The following DIAPH1 variants were observed in gnomAD, a reference collection of about 807,000 sequenced individuals.
DIAPH1 encodes diaphanous related formin 1.
In DIAPH1, 46 loss-of-function variants were observed where a neutral mutation model predicts 140.7. The ratio of observed to expected loss-of-function variants is 0.33; its 90% CI spans 0.26 to 0.42. The LOEUF (loss-of-function observed/expected upper bound fraction) is 0.42. Among genes scored for constraint, DIAPH1 ranks in the 10% least tolerant of loss-of-function variants. DIAPH1 has a pLI of 1.00. For synonymous variants in DIAPH1, 565 were observed against 551.6 expected (o/e 1.02, Z -0.34); for missense variants, 1,310 against 1,558.7 (o/e 0.84, Z 2.69).
At chr5:141,590,891 C>A (rs1259987692) in intron 1 of DIAPH1, among the ~76,000 whole-genome samples, 1 of 152,172 alleles carries the variant, frequency 6.6e-6, no homozygotes, top group Non-Finnish European at 1.5e-5. Flanking sequence ...AGCCTCCTAA[C>A]TGATCTCCCT....
chr5:141,603,967 C>A (rs1349595571), intron 1 of DIAPH1, among the ~76,000 whole-genome samples: 2 of 152,172 alleles, frequency 1.3e-5, no homozygotes, highest in Non-Finnish European at 2.9e-5. Flanking sequence ...TATCACTATT[C>A]CAGCACAGCA....
In DIAPH1 at chr5:141,562,487, A is replaced by G. The variant is rs180772028; in HGVS notation, c.2482+8941T>C. ...TTTTAAGAAAGTCTAAAGGATAATC[A>G]AACTAATAAAAATGGTTACCTCTAG... On this transcript the variant is annotated intron_variant, in intron 18 of 27. Coordinates refer to ENST00000389054, the MANE Select transcript of DIAPH1 (RefSeq NM_005219.5). Among the ~76,000 whole-genome samples, 1,161 of 152,210 alleles carry G rather than the reference A, an allele frequency of 7.6e-3. 21 individuals are homozygous for G. The highest frequency in any genetic ancestry group is 0.027 in the African/African-American group (1,103 of 41,518).
Position 141,580,843 on chromosome 5 carries a change from A to G in DIAPH1, c.725T>C (p.Leu242Pro). The change falls in exon 8 of 28, where the codon CTA becomes CCA. Residue 242 changes from leucine (L) to proline (P), a missense_variant. Leu to Pro is a moderately conservative substitution (Grantham distance 98). Transcript: ENST00000389054. ...AGGATCCATGGCTCTGACCAGCAGT[A>G]GGATTCCTTCTTCTGTCTCCAACAT... ...KTMLETEEGILLLVRAMDPAV... is the reference protein window; with the variant it reads ...KTMLETEEGIPLLVRAMDPAV... 2 of 1,614,242 alleles carry G rather than the reference A, an allele frequency of 1.2e-6. No homozygotes were observed. The highest frequency in any genetic ancestry group is 1.7e-6 in the Non-Finnish European group (2 of 1,180,036).
intron 1 of DIAPH1, among the ~76,000 whole-genome samples, chr5:141,614,210 G>C (rs1394141415): frequency 6.6e-6 from 1 of 152,004 alleles, no homozygotes; most frequent in Admixed American, 6.6e-5. Flanking sequence ...GACATAAAAA[G>C]GGATATATAA....
intron 1 of DIAPH1, among the ~76,000 whole-genome samples, chr5:141,592,452 T>C (rs2099898645): frequency 6.6e-6 from 1 of 151,936 alleles, no homozygotes; most frequent in African/African-American, 2.4e-5. Context: ...GTGTATTCTC[T>C]GAAATATAGA....
intron 1 of DIAPH1, among the ~76,000 whole-genome samples, chr5:141,615,538 G>T (rs141461222): frequency 0.023 from 3,556 of 151,586 alleles, 56 homozygotes; most frequent in East Asian, 0.046. Flanking sequence ...TCAGGAGATC[G>T]ACAACATCCT....
chr5:141,573,613 C>A lies in DIAPH1; in HGVS notation c.2237G>T (p.Gly746Val). 2 of 1,613,470 alleles carry A rather than the reference C, an allele frequency of 1.2e-6. No homozygotes were observed. Among genetic ancestry groups the A allele is most frequent in the South Asian group, 2.2e-5 (2 of 91,052 alleles). The change falls in exon 16 of 28, where the codon GGT becomes GTT. Residue 746 changes from glycine to valine, a missense_variant. This residue lies in a region of DIAPH1 where 589 missense variants were observed against 549.3 expected (regional missense o/e 1.07). Coordinates refer to ENST00000389054, the MANE Select transcript of DIAPH1 (RefSeq NM_005219.5). ...PGIPPPPPGM[G>V]MPPPPPFGFG... is the part of the protein sequence containing the mutation. ...TCCAAATGGGGGAGGTGGAGGCATA[C>A]CCATTCCGGGTGGAGGTGGAGGAAT...
Position 141,546,349 on chromosome 5 carries a change from A to C in DIAPH1, c.2483-11916T>G, listed in dbSNP as rs188964463. ...GTGAGCCAAAACTCCGTCTCAAAAAACAAACAAACAAACAAAATATGAGAC... is the reference window on the plus strand; with the variant it reads ...GTGAGCCAAAACTCCGTCTCAAAAACCAAACAAACAAACAAAATATGAGAC... On this transcript the variant is annotated intron_variant, in intron 18 of 27. Transcript: ENST00000389054. 5.9e-3 allele frequency among the ~76,000 whole-genome samples: 904 copies of C among 152,144 alleles called. 5 individuals are homozygous for C. Among genetic ancestry groups the C allele is most frequent in the Non-Finnish European group, 9.0e-3 (612 of 67,970 alleles).
intron 16 of DIAPH1, among the ~76,000 whole-genome samples, chr5:141,572,672 C>T (rs975429690): frequency 1.1e-4 from 16 of 151,734 alleles, no homozygotes; most frequent in African/African-American, 3.1e-4. Flanking sequence ...TGGTGGCACA[C>T]GCCTGTAATC....
In DIAPH1 at chr5:141,618,778, G is replaced by A. The variant is rs779905475; in HGVS notation, c.117+20C>T. ...GGCGGTTACGGGGCCAGGCAGGAGC[G>A]GGATGGGAGGGACACTCACAAATTT... On this transcript the variant is annotated intron_variant, in intron 1 of 27. Coordinates refer to ENST00000389054, the MANE Select transcript of DIAPH1 (RefSeq NM_005219.5). 6.6e-7 allele frequency: 1 copy of A among 1,518,530 alleles called. No homozygotes were observed. The highest frequency in any genetic ancestry group is 1.2e-5 in the South Asian group (1 of 82,942). The allele number at this position is 1,518,530 out of a possible 1,614,324, so 94.1% of individuals were successfully genotyped here.
chr5:141,528,280 G>C (rs187894887), intron 23 of DIAPH1, among the ~76,000 whole-genome samples, 173 bp downstream of exon 23: 1 of 152,156 alleles, frequency 6.6e-6, no homozygotes. Context: ...TACACATAAA[G>C]ATCTCTCCTC....
chr5:141,529,271 G>A lies in DIAPH1; in HGVS notation c.2679C>T (p.Asn893=), dbSNP rs757936150. 4 of 1,613,402 alleles carry A rather than the reference G, an allele frequency of 2.5e-6. No individual in the cohort carries two copies. The South Asian group carries it at 4.4e-5, about 18-fold the overall frequency. Residue 893 remains asparagine (N), a splice_region_variant and synonymous_variant, in exon 21 of 28, where the codon AAC becomes AAT. Transcript: ENST00000389054. ...CTGGCTCTGGCATTTGCTTAATGAG[G>A]TTCTGAAAGACAGAAGAGACATCTC... ...EAVLTESMIQ[N]LIKQMPEPEQ... is the part of the protein sequence containing the mutation.
chr5:141,595,886 TA>T (rs1296317908), intron 1 of DIAPH1, among the ~76,000 whole-genome samples: 2 of 152,150 alleles, frequency 1.3e-5, no homozygotes, highest in African/African-American at 4.8e-5. Flanking sequence ...AAAAAAGGCT[TA>T]AAAAAATTTT....
chr5:141,538,297 TG>T (rs1209033427), intron 18 of DIAPH1, among the ~76,000 whole-genome samples: 2 of 152,090 alleles, frequency 1.3e-5, no homozygotes, highest in African/African-American at 4.8e-5. Flanking sequence ...CCTGACCTCG[TG>T]ATCTGCCCGC....
chr5:141,564,082 AG>A (rs1263337951), intron 18 of DIAPH1: 1 of 152,234 alleles, frequency 6.6e-6, no homozygotes, highest in African/African-American at 2.4e-5. Context: ...TCTCAAAGGA[AG>A]GCTATGCTTT....
intron 27 of DIAPH1, among the ~76,000 whole-genome samples, chr5:141,520,962 G>A (rs571541945): frequency 9.2e-5 from 14 of 152,082 alleles, no homozygotes; most frequent in African/African-American, 1.4e-4. Flanking sequence ...GTGCAGTGGC[G>A]CAATCTCGGC....
intron 12 of DIAPH1, 81 bp from the exon 13 acceptor site, chr5:141,576,952 T>G: frequency 1.1e-6 from 1 of 887,756 alleles, no homozygotes. Context: ...GAAAACGTAA[T>G]TGCTCTGACA....
chr5:141,541,001 A>C (rs2099889885), intron 18 of DIAPH1, among the ~76,000 whole-genome samples: 1 of 152,076 alleles, frequency 6.6e-6, no homozygotes, highest in Non-Finnish European at 1.5e-5. Flanking sequence ...GGGAAGTTGC[A>C]ATGAGCTGAG....
intron 27 of DIAPH1, chr5:141,519,111 G>T: frequency 1.0e-6 from 1 of 973,314 alleles, no homozygotes. Flanking sequence ...CCATTTATTG[G>T]ATTATGAACA....
Sources: allele counts gnomAD v4.1 joint callset (sites outside exome capture counted in the v4.1 genomes callset), GRCh38; gene constraint gnomAD v4.1.1; regional missense constraint gnomAD v4.1.1; transcripts MANE v1.5; gene names NCBI Gene and HGNC (gene_info 2026-07-23, HGNC 2026-07-21).